Variants in CDH12 observed in about 807,000 individuals in gnomAD.
The protein encoded by CDH12 is cadherin-12.
CDH12 carries 41 observed loss-of-function variants against 74.1 expected under a neutral mutation model. The observed-to-expected ratio is 0.55, with a 90% CI of 0.43 to 0.72. CDH12 has a LOEUF of 0.72. CDH12 is among the 30% of genes least tolerant of loss of function. The pLI, the probability that CDH12 is intolerant of heterozygous loss-of-function variation, is 0.00. For missense variants in CDH12, 945 were observed against 977.2 expected (o/e 0.97, Z 0.44); for synonymous variants, 399 against 355.0 (o/e 1.12, Z -1.39).
chr5:21,953,311 C>T (rs1265955633), intron 6 of CDH12, among the ~76,000 whole-genome samples: 1 of 152,146 alleles, frequency 6.6e-6, no homozygotes, highest in Non-Finnish European at 1.5e-5. Flanking sequence ...AAGCTCCTCC[C>T]CTGACCTACC....
At chr5:22,672,138 T>C (rs969217937) in intron 1 of CDH12, among the ~76,000 whole-genome samples, 1 of 134,224 alleles carries the variant, frequency 7.5e-6, no homozygotes, top group Non-Finnish European at 1.6e-5. Context: ...TATATATAAA[T>C]ATATATTTAT....
chr5:21,873,232 A>ACATTAGATG (rs1196833609), intron 6 of CDH12, among the ~76,000 whole-genome samples: 1 of 152,192 alleles, frequency 6.6e-6, no homozygotes, highest in African/African-American at 2.4e-5. Flanking sequence ...ACCTCCATGT[A>ACATTAGATG]CATTAGATGT....
At chr5:21,769,904 T>G (rs575701797) in intron 11 of CDH12, among the ~76,000 whole-genome samples, 1 of 152,188 alleles carries the variant, frequency 6.6e-6, no homozygotes, top group Non-Finnish European at 1.5e-5. Context: ...CATAGACATC[T>G]ATTTATAGAT....
chr5:21,789,266 T>A (rs1019812683), intron 10 of CDH12, among the ~76,000 whole-genome samples: 1 of 152,128 alleles, frequency 6.6e-6, no homozygotes, highest in Non-Finnish European at 1.5e-5. Flanking sequence ...CTGCCCCTCC[T>A]GGTAAGATAT....
At chr5:22,762,807 T>G (rs1422170053) in intron 1 of CDH12, among the ~76,000 whole-genome samples, 1 of 152,050 alleles carries the variant, frequency 6.6e-6, no homozygotes, top group Admixed American at 6.6e-5. Flanking sequence ...GGTTATCTTA[T>G]CTGAGCAAAC....
At chr5:22,262,235 A>G (rs1293755355) in intron 3 of CDH12, among the ~76,000 whole-genome samples, 3 of 150,414 alleles carry the variant, frequency 2.0e-5, no homozygotes, top group Non-Finnish European at 4.4e-5. Flanking sequence ...GTCATCTAGC[A>G]TTAGGTATAT....
At chr5:21,941,146 C>T (rs1030180161) in intron 6 of CDH12, among the ~76,000 whole-genome samples, 1 of 152,060 alleles carries the variant, frequency 6.6e-6, no homozygotes, top group African/African-American at 2.4e-5. Context: ...CTACTAGAAG[C>T]AGCACTAATT....
intron 1 of CDH12, among the ~76,000 whole-genome samples, chr5:22,673,568 A>T (rs1295646245): frequency 6.6e-6 from 1 of 152,130 alleles, no homozygotes; most frequent in Non-Finnish European, 1.5e-5. Context: ...TACTACAATA[A>T]TAGGTCTTGC....
At chr5:22,432,570 T>C (rs1744218016) in intron 2 of CDH12, among the ~76,000 whole-genome samples, 2 of 151,906 alleles carry the variant, frequency 1.3e-5, no homozygotes, top group Admixed American at 6.6e-5. Context: ...TGCGTGTGTG[T>C]GTGTGTGTAT....
At chr5:22,136,934 A>G (rs1224419450) in intron 4 of CDH12, among the ~76,000 whole-genome samples, 1 of 151,730 alleles carries the variant, frequency 6.6e-6, no homozygotes, top group Non-Finnish European at 1.5e-5. Flanking sequence ...TGATTCTGGA[A>G]TTGTAAGCAA....
At chr5:22,831,534 A>G (rs1021679291) in intron 1 of CDH12, among the ~76,000 whole-genome samples, 2 of 152,086 alleles carry the variant, frequency 1.3e-5, no homozygotes, top group African/African-American at 4.8e-5. Context: ...TACATTAGCT[A>G]TATTCCAAAA....
chr5:21,872,663 T>C (rs1751686044), intron 6 of CDH12, among the ~76,000 whole-genome samples: 1 of 152,154 alleles, frequency 6.6e-6, no homozygotes, highest in Admixed American at 6.5e-5. Context: ...TTGATGCAAA[T>C]GTATTTGGCC....
At chr5:22,252,590 C>T (rs777181701) in intron 3 of CDH12, among the ~76,000 whole-genome samples, 6 of 152,048 alleles carry the variant, frequency 3.9e-5, no homozygotes, top group Non-Finnish European at 8.8e-5. Context: ...ATCCAAATCA[C>T]CAAAGCTTTA....
rs1049958141 is a variant in CDH12 at position 22,708,501 on chromosome 5, G to A, written c.-523+144557C>T. Among the ~76,000 whole-genome samples, 19 of 152,146 alleles carry A rather than the reference G, an allele frequency of 1.2e-4. 1 individual carries two copies. The highest frequency in any genetic ancestry group is 3.9e-4 in the East Asian group (2 of 5,170). The stretch of plus-strand genomic sequence containing the variant: ...TTTGGAGAAATGTGTAAAAGGGGTG[G>A]ATGGAGTAAAAGGAAAAGCCTCCTG... On this transcript the variant is annotated intron_variant, in intron 1 of 14. Coordinates refer to ENST00000382254, the MANE Select transcript of CDH12 (RefSeq NM_004061.5).
chr5:22,441,985 T>C (rs1320627146), intron 2 of CDH12, among the ~76,000 whole-genome samples: 3 of 152,286 alleles, frequency 2.0e-5, no homozygotes, highest in South Asian at 2.1e-4. Flanking sequence ...ATTACAAGCA[T>C]GAGCCATGGA....
At chr5:22,064,631 T>G (rs1415700849) in intron 5 of CDH12, among the ~76,000 whole-genome samples, 1 of 152,160 alleles carries the variant, frequency 6.6e-6, no homozygotes, top group African/African-American at 2.4e-5. Context: ...CATCTGAAGC[T>G]CATAACATAA....
chr5:22,536,560 T>A (rs1357754107), intron 1 of CDH12, among the ~76,000 whole-genome samples: 1 of 152,222 alleles, frequency 6.6e-6, no homozygotes, highest in East Asian at 1.9e-4. Flanking sequence ...TAATAAGTGC[T>A]AATGTATTGC....
intron 1 of CDH12, among the ~76,000 whole-genome samples, chr5:22,666,973 A>G (rs1740656353): frequency 6.6e-6 from 1 of 152,062 alleles, no homozygotes; most frequent in African/African-American, 2.4e-5. Flanking sequence ...TTCTACCCCA[A>G]TTTGCGCTTT....
intron 9 of CDH12, among the ~76,000 whole-genome samples, chr5:21,804,337 C>A (rs1306957185): frequency 6.6e-6 from 1 of 152,076 alleles, no homozygotes; most frequent in African/African-American, 2.4e-5. Context: ...TTCCTTTGAT[C>A]AGCCTAAAGC....
Sources: allele counts gnomAD v4.1 joint callset (sites outside exome capture counted in the v4.1 genomes callset), GRCh38; gene constraint gnomAD v4.1.1; transcripts MANE v1.5; gene names NCBI Gene and HGNC (gene_info 2026-07-23, HGNC 2026-07-21).